The following CSMD1 variants were observed in gnomAD, a reference collection of about 807,000 sequenced individuals.
The protein encoded by CSMD1 is CUB and sushi domain-containing protein 1.
A neutral mutation model predicts 417.5 loss-of-function variants in CSMD1; 213 were observed. The ratio of observed to expected loss-of-function variants is 0.51; its 90% CI spans 0.46 to 0.57. CSMD1 has a LOEUF of 0.57. Among genes scored for constraint, CSMD1 ranks in the 20% least tolerant of loss-of-function variants. CSMD1 has a pLI of 0.00. For synonymous variants in CSMD1, 2,862 were observed against 1,736.8 expected (o/e 1.65, Z -16.11); for missense variants, 6,923 against 4,529.7 (o/e 1.53, Z -15.17).
rs368758568 is a variant in CSMD1 at position 3,749,221 on chromosome 8, A to T, written c.931+4709T>A. On this transcript the variant is annotated intron_variant, in intron 6 of 69. Transcript: ENST00000635120. ...AGGCAACATATAAAGAATGGGCTCA[A>T]TTTTCAGCTGATTTAAAGAAATAAT... is the stretch of plus-strand genomic sequence containing the variant. Among the ~76,000 whole-genome samples the T allele has an allele frequency of 7.2e-5, 11 of 152,326 alleles. No individual in the cohort carries two copies. The East Asian group carries it at 2.1e-3, about 29-fold the overall frequency.
chr8:4,145,119 G>A (rs931591097), intron 3 of CSMD1, among the ~76,000 whole-genome samples: 1 of 151,092 alleles, frequency 6.6e-6, no homozygotes, highest in Non-Finnish European at 1.5e-5. Flanking sequence ...ATAATTACAT[G>A]GCGCAGATAT....
At chr8:4,904,061 A>C (rs1251698410) in intron 1 of CSMD1, among the ~76,000 whole-genome samples, 5 of 152,060 alleles carry the variant, frequency 3.3e-5, no homozygotes, top group African/African-American at 1.2e-4. Context: ...GTAAGATTTG[A>C]GAAAGGACTT....
chr8:3,367,098 T>G lies in CSMD1; in HGVS notation c.3049A>C (p.Thr1017Pro), dbSNP rs1030015251. Residue 1017 changes from threonine (T) to proline (P), a missense_variant, in exon 20 of 70, where the codon ACT becomes CCT. Transcript: ENST00000635120. ...TCTGATATAAACCGAAGCTGGGCAG[T>G]GAAGTTTCCAAACAGGCCTGCCTTG... is the stretch of plus-strand genomic sequence containing the variant. ...TIKAGLFGNF[T>P]AQLRFISDFS... is the part of the protein sequence containing the mutation. 1 of 1,613,718 alleles carries G rather than the reference T, an allele frequency of 6.2e-7. No homozygotes were observed. Among genetic ancestry groups the G allele is most frequent in the African/African-American group, 1.3e-5 (1 of 74,926 alleles).
In CSMD1 at chr8:2,999,850, G is replaced by C. The variant is rs1027181344; in HGVS notation, c.8203+108C>G. ...GTATAGGCAAAACTGAAAGTTTGCT[G>C]TTCCCTTTTACAGTGAAGATTAAAC... is the stretch of plus-strand genomic sequence containing the variant. On this transcript the variant is annotated intron_variant, in intron 53 of 69. Transcript: ENST00000635120. 3 of 966,548 alleles carry C rather than the reference G, an allele frequency of 3.1e-6. No individual in the cohort carries two copies. In the African/African-American group the frequency reaches 5.0e-5, roughly 16 times the overall value. The allele number at this position is 966,548 out of a possible 1,614,324, so 59.9% of individuals were successfully genotyped here.
At chr8:4,465,524 G>A (rs1429929822) in intron 2 of CSMD1, among the ~76,000 whole-genome samples, 1 of 152,134 alleles carries the variant, frequency 6.6e-6, no homozygotes, top group African/African-American at 2.4e-5. Flanking sequence ...GGATATGGAA[G>A]CACATACAAC....
chr8:4,791,271 C>A (rs1053063525), intron 1 of CSMD1, among the ~76,000 whole-genome samples: 2 of 152,166 alleles, frequency 1.3e-5, no homozygotes, highest in Non-Finnish European at 2.9e-5. Flanking sequence ...GTCATGGACA[C>A]AGACCTTCAC....
intron 49 of CSMD1, among the ~76,000 whole-genome samples, chr8:3,061,270 C>T (rs1812571980): frequency 6.6e-6 from 1 of 152,116 alleles, no homozygotes; most frequent in South Asian, 2.1e-4. Context: ...AACATCTGGA[C>T]CCTACTAGGC....
At chr8:3,737,746 T>C (rs140775886) in intron 6 of CSMD1, among the ~76,000 whole-genome samples, 32 of 152,340 alleles carry the variant, frequency 2.1e-4, no homozygotes, top group African/African-American at 7.2e-4. Context: ...AAAGATTCTC[T>C]GACCACATTC....
intron 1 of CSMD1, among the ~76,000 whole-genome samples, chr8:4,803,311 G>A (rs1798409035): frequency 1.3e-5 from 2 of 152,150 alleles, no homozygotes. Flanking sequence ...TTAGTGTTCA[G>A]TGAAGAATTC....
rs146910374 is a variant in CSMD1, at chr8:3,707,753, T to C, written c.1009+661A>G. 4.8e-3 allele frequency among the ~76,000 whole-genome samples: 737 copies of C among 152,238 alleles called. 9 individuals carry two copies. Among genetic ancestry groups the C allele is most frequent in the African/African-American group, 0.017 (700 of 41,536 alleles). ...TTTCAGCTAAAGGACAAAGGGCCCT[T>C]CTGGCAGAGAAGCACCATGACCCAG... On this transcript the variant is annotated intron_variant, in intron 7 of 69. Coordinates refer to ENST00000635120, the MANE Select transcript of CSMD1 (RefSeq NM_033225.6).
At position 3,858,270 on chromosome 8, in the gene CSMD1, G is replaced by A. The variant is rs2975370; in HGVS notation, c.819-104228C>T. On this transcript the variant is annotated intron_variant, in intron 5 of 69. Coordinates refer to ENST00000635120, the MANE Select transcript of CSMD1 (RefSeq NM_033225.6). The stretch of plus-strand genomic sequence containing the variant: ...TTGATAAAGTCCACAGAATGAGGAT[G>A]GGCCTTATCAAACCCTCAGGATTTC... Among the ~76,000 whole-genome samples, 478 of 152,182 alleles carry A rather than the reference G, an allele frequency of 3.1e-3. 5 individuals carry two copies. Among genetic ancestry groups the A allele is most frequent in the African/African-American group, 0.011 (467 of 41,524 alleles).
intron 2 of CSMD1, among the ~76,000 whole-genome samples, chr8:4,561,438 T>G (rs962738294): frequency 6.6e-6 from 1 of 152,160 alleles, no homozygotes; most frequent in African/African-American, 2.4e-5. Context: ...ATCTCAGCAC[T>G]TTGGTAGGCT....
intron 2 of CSMD1, among the ~76,000 whole-genome samples, chr8:4,478,143 AG>A (rs1372308054): frequency 7.2e-5 from 11 of 152,226 alleles, no homozygotes; most frequent in Admixed American, 7.2e-4. Context: ...TGCCTGTAAC[AG>A]CAAAGATGGG....
chr8:4,006,683 A>T (rs980547792), intron 4 of CSMD1, among the ~76,000 whole-genome samples: 1 of 152,236 alleles, frequency 6.6e-6, no homozygotes, highest in Non-Finnish European at 1.5e-5. Flanking sequence ...TAATCTGCAC[A>T]TGCAGATGGC....
intron 18 of CSMD1, among the ~76,000 whole-genome samples, chr8:3,374,684 C>G (rs1405792710): frequency 6.6e-6 from 1 of 152,136 alleles, no homozygotes; most frequent in Admixed American, 6.5e-5. Flanking sequence ...AGAAGCAACC[C>G]TATGGTAGCA....
intron 5 of CSMD1, among the ~76,000 whole-genome samples, chr8:3,903,262 C>G (rs999260624): frequency 6.6e-6 from 1 of 152,018 alleles, no homozygotes; most frequent in Admixed American, 6.6e-5. Context: ...CGGGTCAGAA[C>G]TGGTTTTCTT....
At chr8:4,700,674 A>G (rs1364370160) in intron 1 of CSMD1, among the ~76,000 whole-genome samples, 1 of 152,228 alleles carries the variant, frequency 6.6e-6, no homozygotes, top group East Asian at 1.9e-4. Flanking sequence ...AAGAGAATAT[A>G]CTATATTCTA....
chr8:3,428,667 A>G (rs1388690224), intron 12 of CSMD1, among the ~76,000 whole-genome samples: 1 of 152,140 alleles, frequency 6.6e-6, no homozygotes, highest in East Asian at 1.9e-4. Flanking sequence ...AAAAGTAAAA[A>G]AGAACTATCA....
intron 5 of CSMD1, among the ~76,000 whole-genome samples, chr8:3,792,465 TAC>T (rs2129068178): frequency 6.6e-6 from 1 of 152,302 alleles, no homozygotes; most frequent in Admixed American, 6.5e-5. Context: ...ACGGAGAGCT[TAC>T]TTTTTGCCTT....
Sources: gnomAD v4.1 joint callset for allele counts (sites outside exome capture counted in the v4.1 genomes callset) on GRCh38, gnomAD v4.1.1 for gene constraint, MANE v1.5 for transcripts, NCBI Gene and HGNC (gene_info 2026-07-23, HGNC 2026-07-21) for gene names.